Variants in PARPBP observed in about 807,000 individuals in gnomAD.
PARPBP encodes PARP1 binding protein.
Under a neutral mutation model 50.0 loss-of-function variants are expected in PARPBP, and 52 were observed. That is an observed-to-expected ratio of 1.04 (90% CI 0.83 to 1.31). The LOEUF (loss-of-function observed/expected upper bound fraction) is 1.31, where lower values mean the gene tolerates loss of function less well. Ranked by LOEUF, PARPBP falls within the 50% of genes most tolerant of loss-of-function variation. The pLI, the probability that PARPBP is intolerant of heterozygous loss-of-function variation, is 0.00. For missense variants in PARPBP, 697 were observed against 672.0 expected, an observed-to-expected ratio of 1.04 and a Z score of -0.41; for synonymous variants, 244 against 232.1, an observed-to-expected ratio of 1.05 and a Z score of -0.47.
At chr12:102,166,575 G>C (rs1470449274) in intron 6 of PARPBP, among the ~76,000 whole-genome samples, 2 of 152,076 alleles carry the variant, frequency 1.3e-5, no homozygotes, top group Non-Finnish European at 2.9e-5. Flanking sequence ...ATTATCATTT[G>C]ATCATTACAA....
chr12:102,176,217 C>T (rs768595101), intron 7 of PARPBP, among the ~76,000 whole-genome samples: 9 of 151,948 alleles, frequency 5.9e-5, no homozygotes, highest in Non-Finnish European at 1.2e-4. Flanking sequence ...CTCCTGACCT[C>T]GTGATCTGCC....
intron 4 of PARPBP, among the ~76,000 whole-genome samples, chr12:102,155,594 T>TGCGG (rs1555216731): frequency 7.4e-5 from 3 of 40,518 alleles, no homozygotes; most frequent in Admixed American, 2.5e-4. Context: ...GAGAGCATGG[T>TGCGG]GGGGGGGGGG....
chr12:102,150,262 A>G (rs997411221), intron 3 of PARPBP: 3 of 455,138 alleles, frequency 6.6e-6, no homozygotes, highest in Admixed American at 2.4e-5. Flanking sequence ...TGTTTGTTCT[A>G]GGGAAATTTC....
chr12:102,141,346 T>G (rs951188802), intron 2 of PARPBP, among the ~76,000 whole-genome samples: 1 of 152,276 alleles, frequency 6.6e-6, no homozygotes, highest in African/African-American at 2.4e-5. Context: ...TGGTAGATCT[T>G]CCTCCATCCC....
At chr12:102,155,604 G>GA (rs1555216804) in intron 4 of PARPBP, among the ~76,000 whole-genome samples, 2 of 115,484 alleles carry the variant, frequency 1.7e-5, no homozygotes, top group Admixed American at 1.0e-4. Flanking sequence ...TGGGGGGGGG[G>GA]GGCGGGGACA....
intron 9 of PARPBP, among the ~76,000 whole-genome samples, chr12:102,192,216 C>T (rs1202978065): frequency 6.6e-6 from 1 of 152,084 alleles, no homozygotes; most frequent in Non-Finnish European, 1.5e-5. Context: ...TACAGGAATA[C>T]TCTCTTCCTA....
intron 3 of PARPBP, among the ~76,000 whole-genome samples, chr12:102,150,901 A>C (rs1886098108): frequency 6.6e-6 from 1 of 152,178 alleles, no homozygotes; most frequent in South Asian, 2.1e-4. Flanking sequence ...TTGGGAGAAC[A>C]CAAGACTCTT....
intron 9 of PARPBP, among the ~76,000 whole-genome samples, chr12:102,185,395 G>T (rs984048480): frequency 4.6e-5 from 7 of 152,156 alleles, no homozygotes; most frequent in African/African-American, 1.7e-4. Context: ...TTGTCATGAT[G>T]AATGATCTTT....
In PARPBP at chr12:102,196,236, C is replaced by G; in HGVS notation, c.1685C>G (p.Ala562Gly). Residue 562 changes from alanine (A) to glycine (G), a missense_variant, in exon 11 of 11, where the codon GCC becomes GGC. Transcript: ENST00000327680. ...GTAGCAAAAAGTAATAAATGTACTG[C>G]CAAGGACAAGTTGATTTCTGGCCAG... ...AKVAKSNKCT[A>G]KDKLISGQAK... is the part of the protein sequence containing the mutation. 1 of 1,604,210 alleles carries G rather than the reference C, an allele frequency of 6.2e-7. No homozygotes were observed. Among genetic ancestry groups the G allele is most frequent in the Non-Finnish European group, 8.5e-7 (1 of 1,176,602 alleles).
At chr12:102,177,426 A>C (rs2136739868) in intron 7 of PARPBP, among the ~76,000 whole-genome samples, 1 of 152,340 alleles carries the variant, frequency 6.6e-6, no homozygotes, top group East Asian at 1.9e-4. Context: ...TATACAACTA[A>C]GCAGTTGGTA....
intron 6 of PARPBP, among the ~76,000 whole-genome samples, chr12:102,171,976 C>A (rs904950951): frequency 6.6e-6 from 1 of 151,930 alleles, no homozygotes; most frequent in African/African-American, 2.4e-5. Context: ...TTATCAAATT[C>A]TTGAGTATGG....
At chr12:102,139,204 A>C (rs1449435820) in intron 2 of PARPBP, among the ~76,000 whole-genome samples, 1 of 152,138 alleles carries the variant, frequency 6.6e-6, no homozygotes, top group Non-Finnish European at 1.5e-5. Flanking sequence ...GGTCCTTCAC[A>C]TCCCTTGTAA....
intron 2 of PARPBP, among the ~76,000 whole-genome samples, chr12:102,127,981 G>A (rs1882267795): frequency 6.6e-6 from 1 of 152,102 alleles, no homozygotes; most frequent in South Asian, 2.1e-4. Flanking sequence ...TGGCTTAACT[G>A]AGCAAATTAA....
intron 1 of PARPBP, among the ~76,000 whole-genome samples, chr12:102,122,702 A>T (rs1376096477): frequency 6.6e-6 from 1 of 152,230 alleles, no homozygotes; most frequent in South Asian, 2.1e-4. Context: ...GTTACTTAAC[A>T]TGATGCTTTA....
Position 102,120,260 on chromosome 12 carries a change from T to A in PARPBP, c.-30T>A, listed in dbSNP as rs530393316. The A allele has an allele frequency of 3.5e-6, 1 of 282,252 alleles. No homozygotes were observed. Among genetic ancestry groups the A allele is most frequent in the South Asian group, 2.6e-5 (1 of 38,090 alleles). 17.5% of individuals were successfully genotyped at this position (282,252 alleles called of 1,614,324 possible). The stretch of plus-strand genomic sequence containing the variant: ...GGGGATCCTTCCGCACACTGAAGAG[T>A]ACGTCTTCGGGTCTACCCCTAATCA... On this transcript the variant is annotated 5_prime_UTR_variant, in exon 1 of 11. Coordinates refer to ENST00000327680, the MANE Select transcript of PARPBP (RefSeq NM_017915.5).
rs148935377 is a variant in PARPBP at position 102,137,104 on chromosome 12, C to T, written c.154-11126C>T. On this transcript the variant is annotated intron_variant, in intron 2 of 10. Transcript: ENST00000327680. ...TGAGTAGCTGGACTACAGGCACCCA[C>T]CACCACGCCTAGCTAATTTTTTGTA... is the stretch of plus-strand genomic sequence containing the variant. Among the ~76,000 whole-genome samples, 1,253 of 152,170 alleles carry T rather than the reference C, an allele frequency of 8.2e-3. 11 individuals are homozygous for T. The highest frequency in any genetic ancestry group is 0.029 in the African/African-American group (1,186 of 41,520).
chr12:102,194,523 A>G, intron 9 of PARPBP, among the ~76,000 whole-genome samples: 1 of 151,954 alleles, frequency 6.6e-6, no homozygotes, highest in East Asian at 1.9e-4. Context: ...TCACTGGTTT[A>G]TGTTTGTGGA....
At chr12:102,144,519 AT>A (rs1885104242) in intron 2 of PARPBP, among the ~76,000 whole-genome samples, 1 of 152,182 alleles carries the variant, frequency 6.6e-6, no homozygotes, top group South Asian at 2.1e-4. Flanking sequence ...TCTGGAGTGC[AT>A]TTTTATTTGG....
At chr12:102,151,778 A>C in intron 3 of PARPBP, 1 of 1,535,616 alleles carries the variant, frequency 6.5e-7, no homozygotes, top group Non-Finnish European at 8.7e-7. Flanking sequence ...GACCTGAAGA[A>C]GCTGGCAGCT....
Sources: allele counts gnomAD v4.1 joint callset (sites outside exome capture counted in the v4.1 genomes callset), GRCh38; gene constraint gnomAD v4.1.1; transcripts MANE v1.5; gene names NCBI Gene and HGNC (gene_info 2026-07-23, HGNC 2026-07-21).